Variants in MLLT3 observed in about 807,000 individuals in gnomAD.
The protein encoded by MLLT3 is MLLT3 super elongation complex subunit, also known as protein AF-9.
In MLLT3, 4 loss-of-function variants were observed where a neutral mutation model predicts 53.2. That is an observed-to-expected ratio of 0.08 (90% CI 0.04 to 0.17). The LOEUF (loss-of-function observed/expected upper bound fraction) is 0.17, where lower values mean the gene tolerates loss of function less well. Ranked by LOEUF, MLLT3 falls within the 10% of genes least tolerant of loss-of-function variation. MLLT3 has a pLI of 1.00. For missense variants in MLLT3, 569 were observed against 684.0 expected (o/e 0.83, Z 1.87); for synonymous variants, 283 against 230.6 (o/e 1.23, Z -2.06).
intron 2 of MLLT3, among the ~76,000 whole-genome samples, chr9:20,547,644 C>CAAA (rs71334534): frequency 4.9e-5 from 6 of 122,862 alleles, no homozygotes; most frequent in Admixed American, 8.5e-5. Flanking sequence ...AACTCCATCT[C>CAAA]AAAAAAAAAA....
intron 8 of MLLT3, among the ~76,000 whole-genome samples, chr9:20,355,111 A>AG (rs1821139134): frequency 6.6e-6 from 1 of 151,738 alleles, no homozygotes; most frequent in Non-Finnish European, 1.5e-5. Flanking sequence ...AAAAAAAAAA[A>AG]AAAAAACAAC....
At chr9:20,520,025 G>C (rs745720255) in intron 2 of MLLT3, among the ~76,000 whole-genome samples, 8 of 152,102 alleles carry the variant, frequency 5.3e-5, no homozygotes, top group Non-Finnish European at 1.0e-4. Context: ...CCATAAAAAC[G>C]AATGAGATCA....
intron 7 of MLLT3, 104 bp from the exon 8 acceptor site, chr9:20,360,945 G>A: frequency 1.0e-6 from 1 of 970,894 alleles, no homozygotes; most frequent in Non-Finnish European, 1.6e-6. Context: ...ACTAACCCTT[G>A]ACAAGTTCAT....
intron 5 of MLLT3, among the ~76,000 whole-genome samples, chr9:20,380,858 T>A (rs967349651): frequency 2.8e-4 from 43 of 152,034 alleles, no homozygotes; most frequent in African/African-American, 9.4e-4. Flanking sequence ...TGGAAAGTGC[T>A]GTTTTCTTAT....
intron 2 of MLLT3, among the ~76,000 whole-genome samples, chr9:20,524,775 C>A (rs1818155560): frequency 6.6e-6 from 1 of 152,194 alleles, no homozygotes; most frequent in Admixed American, 6.5e-5. Flanking sequence ...GAGGTTCCTG[C>A]TGGGCACTGC....
intron 4 of MLLT3, among the ~76,000 whole-genome samples, chr9:20,418,613 T>C (rs938846275): frequency 5.9e-5 from 9 of 152,132 alleles, no homozygotes; most frequent in Non-Finnish European, 1.0e-4. Flanking sequence ...AGAGTTTATT[T>C]GTTTTTTTTA....
At chr9:20,596,541 A>G (rs567762600) in intron 2 of MLLT3, among the ~76,000 whole-genome samples, 1 of 152,190 alleles carries the variant, frequency 6.6e-6, no homozygotes, top group Admixed American at 6.5e-5. Context: ...AATACAAAAA[A>G]TTAGCTGGGC....
chr9:20,383,310 C>T (rs1462265837), intron 5 of MLLT3, among the ~76,000 whole-genome samples: 1 of 151,858 alleles, frequency 6.6e-6, no homozygotes, highest in Non-Finnish European at 1.5e-5. Flanking sequence ...TTACTTTTGA[C>T]ATGAACTTTG....
At chr9:20,525,841 G>A (rs957542079) in intron 2 of MLLT3, among the ~76,000 whole-genome samples, 1 of 152,174 alleles carries the variant, frequency 6.6e-6, no homozygotes, top group Non-Finnish European at 1.5e-5. Flanking sequence ...TGTAGTCTAG[G>A]TTGAAGCCTG....
At chr9:20,514,670 A>T (rs1307308061) in intron 2 of MLLT3, among the ~76,000 whole-genome samples, 1 of 152,144 alleles carries the variant, frequency 6.6e-6, no homozygotes, top group East Asian at 1.9e-4. Context: ...CAGCAAGATC[A>T]CAAATGTATA....
At chr9:20,350,582 G>A (rs55904973) in intron 10 of MLLT3, among the ~76,000 whole-genome samples, 9 of 124,244 alleles carry the variant, frequency 7.2e-5, no homozygotes, top group East Asian at 2.5e-4. Context: ...GCGACAGAGC[G>A]AGACTCCGTC....
intron 10 of MLLT3, among the ~76,000 whole-genome samples, chr9:20,351,618 GA>G (rs1193935726): frequency 6.6e-6 from 1 of 152,166 alleles, no homozygotes; most frequent in Admixed American, 6.5e-5. Context: ...CGCTTTTTGT[GA>G]GCCAAATAAA....
intron 4 of MLLT3, among the ~76,000 whole-genome samples, chr9:20,415,979 G>C (rs1822861497): frequency 6.6e-6 from 1 of 151,670 alleles, no homozygotes; most frequent in African/African-American, 2.4e-5. Context: ...ACTGAATGAA[G>C]TTACTAAGCA....
intron 4 of MLLT3, among the ~76,000 whole-genome samples, chr9:20,423,861 G>A (rs553801641): frequency 1.3e-5 from 2 of 152,082 alleles, no homozygotes; most frequent in African/African-American, 2.4e-5. Flanking sequence ...ACTCGCGAGG[G>A]GTGAGGCAGG....
Position 20,528,382 on chromosome 9 carries a change from A to T in MLLT3, c.194-71596T>A, listed in dbSNP as rs552437276. ...AGCACACCGCCAAAACCCAACTGGT[A>T]ACAGGAAAGTGGCTATATTAGTTTC... is the stretch of plus-strand genomic sequence containing the variant. On this transcript the variant is annotated intron_variant, in intron 2 of 10. Coordinates refer to ENST00000380338, the MANE Select transcript of MLLT3 (RefSeq NM_004529.4). 2.0e-5 allele frequency among the ~76,000 whole-genome samples: 3 copies of T among 152,376 alleles called. No homozygotes were observed. In the East Asian group the frequency reaches 5.8e-4, roughly 29 times the overall value.
intron 2 of MLLT3, among the ~76,000 whole-genome samples, chr9:20,617,078 C>T (rs963164241): frequency 1.3e-5 from 2 of 152,112 alleles, no homozygotes; most frequent in East Asian, 3.8e-4. Flanking sequence ...AAACTGTTCT[C>T]ACTGGTCATC....
At position 20,514,623 on chromosome 9, in the gene MLLT3, T is replaced by C. The variant is rs1817857629; in HGVS notation, c.194-57837A>G. Among the ~76,000 whole-genome samples the C allele has an allele frequency of 2.0e-5, 3 of 152,022 alleles. No homozygotes were observed. The South Asian group carries it at 6.2e-4, about 32-fold the overall frequency. On this transcript the variant is annotated intron_variant, in intron 2 of 10. Coordinates refer to ENST00000380338, the MANE Select transcript of MLLT3 (RefSeq NM_004529.4). ...ATTTTTAATAGGTCCCAGGAAAGAATGTGCCCTTGATCTAGCTGCCAGCCT... is the reference window on the plus strand; with the variant it reads ...ATTTTTAATAGGTCCCAGGAAAGAACGTGCCCTTGATCTAGCTGCCAGCCT...
At chr9:20,515,604 T>A (rs1817891834) in intron 2 of MLLT3, among the ~76,000 whole-genome samples, 1 of 152,200 alleles carries the variant, frequency 6.6e-6, no homozygotes, top group Non-Finnish European at 1.5e-5. Flanking sequence ...CTCACCGTTT[T>A]GTTTTTTGTT....
intron 5 of MLLT3, among the ~76,000 whole-genome samples, chr9:20,408,393 A>C (rs370961303): frequency 9.9e-5 from 15 of 152,180 alleles, no homozygotes; most frequent in African/African-American, 3.6e-4. Context: ...CAACACAGAA[A>C]AAAAAAATGC....
Sources: allele counts gnomAD v4.1 joint callset (sites outside exome capture counted in the v4.1 genomes callset), GRCh38; gene constraint gnomAD v4.1.1; transcripts MANE v1.5; gene names NCBI Gene and HGNC (gene_info 2026-07-23, HGNC 2026-07-21).